The following SETD2 variants were observed in gnomAD, a reference collection of about 807,000 sequenced individuals.
SETD2 encodes the protein histone-lysine N-methyltransferase SETD2.
In SETD2, 31 loss-of-function variants were observed where a neutral mutation model predicts 242.1. The observed-to-expected ratio is 0.13, with a 90% CI of 0.10 to 0.17. The LOEUF (loss-of-function observed/expected upper bound fraction) is 0.17. SETD2 is among the 10% of genes least tolerant of loss of function. The pLI, the probability that SETD2 is intolerant of heterozygous loss-of-function variation, is 1.00. For missense variants in SETD2, 2,481 were observed against 3,046.3 expected, an observed-to-expected ratio of 0.81 and a Z score of 4.37; for synonymous variants, 1,006 against 1,066.5, an observed-to-expected ratio of 0.94 and a Z score of 1.11.
rs2107740950 is a variant in SETD2, at chr3:47,120,383, T to A, written c.4253A>T (p.Asp1418Val). ...TTTCTTTCTGTCCTGAAGCTCACCA[T>A]CACTTTCAGAATCACTCTCTATTTC... ...RQEIESDSESDGELQDRKKVR... is the reference protein window; with the variant it reads ...RQEIESDSESVGELQDRKKVR... Residue 1418 changes from aspartate to valine, a missense_variant, in exon 3 of 21, where the codon GAT becomes GTT. By Grantham distance (152) the Asp-to-Val change is radical. Transcript: ENST00000409792. 6.2e-7 allele frequency: 1 copy of A among 1,612,742 alleles called. No individual in the cohort carries two copies. The highest frequency in any genetic ancestry group is 8.5e-7 in the Non-Finnish European group (1 of 1,179,566).
At chr3:47,071,116 C>T (rs528573196) in intron 12 of SETD2, among the ~76,000 whole-genome samples, 4 of 152,290 alleles carry the variant, frequency 2.6e-5, no homozygotes, top group South Asian at 2.1e-4. Flanking sequence ...CCTACAGGTG[C>T]GTGCCACTAT....
chr3:47,067,383 G>A (rs956785524), intron 12 of SETD2, among the ~76,000 whole-genome samples: 1 of 150,480 alleles, frequency 6.6e-6, no homozygotes, highest in Non-Finnish European at 1.5e-5. Context: ...AAATGACTGG[G>A]CAAGGATACG....
intron 18 of SETD2, among the ~76,000 whole-genome samples, chr3:47,022,722 A>C (rs75428765): frequency 1.8e-3 from 269 of 152,356 alleles, no homozygotes; most frequent in African/African-American, 6.1e-3. Flanking sequence ...GAGCAGGCAA[A>C]GGGCCTGGCA....
At chr3:47,084,484 G>A in intron 11 of SETD2, 102 bp from the exon 12 acceptor site, 1 of 779,034 alleles carries the variant, frequency 1.3e-6, no homozygotes. Context: ...GAATGCAATG[G>A]CATGATCTTG....
intron 11 of SETD2, among the ~76,000 whole-genome samples, chr3:47,084,831 A>G (rs1196376417): frequency 1.3e-5 from 2 of 151,640 alleles, no homozygotes; most frequent in Non-Finnish European, 2.9e-5. Context: ...CCCTGGTTTA[A>G]GCGATTCTCC....
At chr3:47,080,210 T>C (rs1353003571) in intron 12 of SETD2, among the ~76,000 whole-genome samples, 1 of 152,196 alleles carries the variant, frequency 6.6e-6, no homozygotes, top group African/African-American at 2.4e-5. Flanking sequence ...GAATTAAAGA[T>C]AATGTCTTGA....
chr3:47,024,316 CG>C (rs1167498109), intron 18 of SETD2, among the ~76,000 whole-genome samples: 1 of 151,672 alleles, frequency 6.6e-6, no homozygotes, highest in Non-Finnish European at 1.5e-5. Context: ...ACTAAAAATA[CG>C]AAAAATTAGC....
chr3:47,150,810 T>A (rs1198525018), intron 1 of SETD2, among the ~76,000 whole-genome samples: 1 of 150,366 alleles, frequency 6.7e-6, no homozygotes, highest in Non-Finnish European at 1.5e-5. Flanking sequence ...AATAAATAAA[T>A]AAAATTAGGC....
chr3:47,042,491 TC>T, intron 17 of SETD2, 69 bp downstream of exon 17: 1 of 1,501,264 alleles, frequency 6.7e-7, no homozygotes, highest in Admixed American at 1.7e-5. Context: ...ACTGTAAAAC[TC>T]CCCTTATAGT....
At chr3:47,074,572 A>G (rs2040966988) in intron 12 of SETD2, among the ~76,000 whole-genome samples, 1 of 152,144 alleles carries the variant, frequency 6.6e-6, no homozygotes. Flanking sequence ...CACTGCCTCT[A>G]TTTAAACTTG....
chr3:47,115,874 G>C (rs2042834486), intron 4 of SETD2, among the ~76,000 whole-genome samples: 2 of 152,136 alleles, frequency 1.3e-5, no homozygotes, highest in African/African-American at 2.4e-5. Context: ...CTAAACTCCT[G>C]GCCTCAAGTG....
chr3:47,084,529 A>G (rs904893042), intron 11 of SETD2, 147 bp from the exon 12 acceptor site: 5 of 601,552 alleles, frequency 8.3e-6, no homozygotes, highest in African/African-American at 1.9e-5. Context: ...GGTTCAAGCA[A>G]TTCTCCTGTC....
Position 47,057,289 on chromosome 3 carries a change from A to T in SETD2, c.6495T>A (p.Ala2165=), listed in dbSNP as rs1200173976. 1.9e-6 allele frequency: 3 copies of T among 1,614,086 alleles called. No individual in the cohort carries two copies. Among genetic ancestry groups the T allele is most frequent in the Non-Finnish European group, 2.5e-6 (3 of 1,180,046 alleles). ...GCATGGGATAACCTGGTGGGTAACCAGCAAAGGGATGATGCGGGGCATTAT... is the reference window on the plus strand; with the variant it reads ...GCATGGGATAACCTGGTGGGTAACCTGCAAAGGGATGATGCGGGGCATTAT... The part of the protein sequence containing the change: ...LGYNAPHHPF[A]GYPPGYPMQA... The change falls in exon 15 of 21, where the codon GCT becomes GCA. Residue 2165 remains alanine, a synonymous_variant. Coordinates refer to ENST00000409792, the MANE Select transcript of SETD2 (RefSeq NM_014159.7).
chr3:47,073,171 T>C (rs1309011688), intron 12 of SETD2, among the ~76,000 whole-genome samples: 4 of 147,750 alleles, frequency 2.7e-5, no homozygotes, highest in Non-Finnish European at 1.5e-5. Flanking sequence ...AAAAATACTG[T>C]GAGTAAACTG....
chr3:47,016,646 T>C lies in SETD2; in HGVS notation c.*447A>G, dbSNP rs573659179. 8.5e-6 allele frequency: 2 copies of C among 235,910 alleles called. No individual in the cohort carries two copies. Among genetic ancestry groups the C allele is most frequent in the Middle Eastern group, 1.3e-3 (1 of 794 alleles). The allele number at this position is 235,910 out of a possible 1,614,324, so 14.6% of individuals were successfully genotyped here. Reference sequence around the variant, plus strand: ...ACAAAGTCTTCCTGTGATCCTAGCATGTAGAGGCTAAAAGCAAAACGAAAA... The same window carrying C: ...ACAAAGTCTTCCTGTGATCCTAGCACGTAGAGGCTAAAAGCAAAACGAAAA... On this transcript the variant is annotated 3_prime_UTR_variant, in exon 21 of 21. Coordinates refer to ENST00000409792, the MANE Select transcript of SETD2 (RefSeq NM_014159.7).
rs942527693 is a variant in SETD2, at chr3:47,024,765, C to T, written c.7351-4925G>A. On this transcript the variant is annotated intron_variant, in intron 18 of 20. Transcript: ENST00000409792. ...AGAGGAGATCTATTATACCTTATGA[C>T]TGTTAATTAAAAGCCAGGAGGCAGC... Among the ~76,000 whole-genome samples the T allele has an allele frequency of 5.9e-5, 9 of 152,190 alleles. No homozygotes were observed. In the South Asian group the frequency reaches 1.7e-3, roughly 28 times the overall value.
At chr3:47,152,868 C>T (rs576632773) in intron 1 of SETD2, among the ~76,000 whole-genome samples, 7 of 152,314 alleles carry the variant, frequency 4.6e-5, no homozygotes, top group African/African-American at 1.7e-4. Context: ...CCCACATCAT[C>T]CCAAGGATAT....
chr3:47,020,156 C>A (rs974652904), intron 18 of SETD2, among the ~76,000 whole-genome samples: 1 of 152,104 alleles, frequency 6.6e-6, no homozygotes, highest in Non-Finnish European at 1.5e-5. Context: ...GCTCCCTGAA[C>A]TATCAAGCAA....
intron 18 of SETD2, among the ~76,000 whole-genome samples, chr3:47,027,728 G>A (rs2038559800): frequency 6.6e-6 from 1 of 151,832 alleles, no homozygotes; most frequent in African/African-American, 2.4e-5. Context: ...AATCTAAAGC[G>A]ACTAGATTTT....
Sources: gnomAD v4.1 joint callset for allele counts (sites outside exome capture counted in the v4.1 genomes callset) on GRCh38, gnomAD v4.1.1 for gene constraint, MANE v1.5 for transcripts, NCBI Gene and HGNC (gene_info 2026-07-23, HGNC 2026-07-21) for gene names.